KCNQ2: variants seen among roughly 807,000 people sequenced by gnomAD.
The protein encoded by KCNQ2 is potassium voltage-gated channel subfamily Q member 2.
Under a neutral mutation model 84.8 loss-of-function variants are expected in KCNQ2, and 14 were observed. That is an observed-to-expected ratio of 0.17 (90% CI 0.11 to 0.26). KCNQ2 has a LOEUF of 0.26. Among genes scored for constraint, KCNQ2 ranks in the 10% least tolerant of loss-of-function variants. The probability of loss-of-function intolerance (pLI) is 1.00; values close to 1 mark genes in which losing one functional copy is unlikely to be tolerated. For missense variants in KCNQ2, 788 were observed against 1,254.0 expected (o/e 0.63, Z 5.61); for synonymous variants, 599 against 554.1 (o/e 1.08, Z -1.14).
At chr20:63,434,079 AC>A in intron 7 of KCNQ2, 176 bp from the exon 8 acceptor site, 2 of 603,608 alleles carry the variant, frequency 3.3e-6, no homozygotes, top group East Asian at 5.5e-5. Flanking sequence ...GCCTCAGTTT[AC>A]CCTCTGTAGG....
chr20:63,408,434 C>T lies in KCNQ2; in HGVS notation c.1866G>A (p.Arg622=), dbSNP rs1060503976. Residue 622 remains arginine (R), a synonymous_variant, in exon 16 of 17, where the codon CGG becomes CGA. Coordinates refer to ENST00000359125, the MANE Select transcript of KCNQ2 (RefSeq NM_172107.4). This position sits in a 1 kb window ranked among gnomAD's most constrained non-coding sequence, Gnocchi z 5.0. The part of the protein sequence containing the change: ...ELPEDPSMMG[R]LGKVEKQVLS... ...GCACCTGCTTCTCCACCTTCCCGAGCCGTCCCATCATGCTGGGGTCCTCGG... is the reference window on the plus strand; with the variant it reads ...GCACCTGCTTCTCCACCTTCCCGAGTCGTCCCATCATGCTGGGGTCCTCGG... 3 of 1,609,082 alleles carry T rather than the reference C, an allele frequency of 1.9e-6. No homozygotes were observed. Among genetic ancestry groups the T allele is most frequent in the Non-Finnish European group, 2.5e-6 (3 of 1,179,160 alleles).
intron 7 of KCNQ2, among the ~76,000 whole-genome samples, chr20:63,437,735 G>T (rs74774360): frequency 1.3e-5 from 2 of 152,244 alleles, no homozygotes; most frequent in Non-Finnish European, 2.9e-5. Flanking sequence ...TCAGCTCTGC[G>T]GGTCCAGTGG....
intron 7 of KCNQ2, among the ~76,000 whole-genome samples, chr20:63,436,752 G>T (rs1028038733): frequency 1.3e-5 from 2 of 151,162 alleles, no homozygotes; most frequent in Non-Finnish European, 2.9e-5. Flanking sequence ...CACTTAGTAA[G>T]CTATGGCATG....
intron 1 of KCNQ2, among the ~76,000 whole-genome samples, chr20:63,467,086 C>T (rs1023995316): frequency 6.6e-6 from 1 of 152,224 alleles, no homozygotes; most frequent in South Asian, 2.1e-4. Context: ...ACATTGCTCC[C>T]GCCTGAGCCT....
At chr20:63,455,785 C>T (rs934779266) in intron 1 of KCNQ2, among the ~76,000 whole-genome samples, 10 of 151,196 alleles carry the variant, frequency 6.6e-5, no homozygotes, top group Admixed American at 5.9e-4. Context: ...CTCCGGGAGA[C>T]CCCTGTGCTC....
chr20:63,443,439 TCAC>T lies in KCNQ2; in HGVS notation c.691-911_691-909del, dbSNP rs1568937880. Among the ~76,000 whole-genome samples the T allele has an allele frequency of 9.7e-3, 231 of 23,780 alleles. 2 individuals carry two copies. The highest frequency in any genetic ancestry group is 0.075 in the East Asian group (50 of 664). 15.6% of individuals were successfully genotyped at this position (23,780 alleles called of 152,430 possible). ...ATCACCACCATCATCACCATCACCA[TCAC>T]CACCACCATCACCATCACCACCATC... On this transcript the variant is annotated intron_variant, in intron 4 of 16. Transcript: ENST00000359125.
intron 1 of KCNQ2, among the ~76,000 whole-genome samples, chr20:63,450,391 C>T (rs1442241793): frequency 1.3e-5 from 2 of 148,534 alleles, no homozygotes. Flanking sequence ...TAAGGCAGCA[C>T]TGATGCCTGC....
Position 63,425,200 on chromosome 20 carries a change from T to C in KCNQ2, c.1218-994A>G, listed in dbSNP as rs1329582440. 1.3e-5 allele frequency among the ~76,000 whole-genome samples: 2 copies of C among 152,184 alleles called. No homozygotes were observed. The highest frequency in any genetic ancestry group is 1.5e-5 in the Non-Finnish European group (1 of 68,036). ...CTCATCAGGATGTTCCAGGATGACC[T>C]CATCTCAAGATCCCAAGCTCAGTTA... On this transcript the variant is annotated intron_variant, in intron 10 of 16. Coordinates refer to ENST00000359125, the MANE Select transcript of KCNQ2 (RefSeq NM_172107.4). This position sits in a 1 kb window ranked among gnomAD's most constrained non-coding sequence, Gnocchi z 5.5.
At chr20:63,448,748 G>A (rs942330973) in intron 1 of KCNQ2, among the ~76,000 whole-genome samples, 5 of 152,266 alleles carry the variant, frequency 3.3e-5, no homozygotes, top group East Asian at 1.9e-4. Context: ...GCACAGGCAC[G>A]GGCATCCTGG....
In KCNQ2 at chr20:63,406,012, T is replaced by G. The variant is rs760578028; in HGVS notation, c.*632A>C. ...GTCTCCACCTCGGGGCTGGCTTCCATGGAAAGAGCCCTCAGATCCCAGAAG... is the reference window on the plus strand; with the variant it reads ...GTCTCCACCTCGGGGCTGGCTTCCAGGGAAAGAGCCCTCAGATCCCAGAAG... On this transcript the variant is annotated 3_prime_UTR_variant, in exon 17 of 17. Coordinates refer to ENST00000359125, the MANE Select transcript of KCNQ2 (RefSeq NM_172107.4). 6.6e-6 allele frequency: 1 copy of G among 152,162 alleles called. No individual in the cohort carries two copies. Among genetic ancestry groups the G allele is most frequent in the Non-Finnish European group, 1.5e-5 (1 of 68,086 alleles). 9.4% of individuals were successfully genotyped at this position (152,162 alleles called of 1,614,324 possible).
In KCNQ2 at chr20:63,436,336, C is replaced by G. The variant is rs373972165; in HGVS notation, c.1023+2289G>C. ...CACGAAGTCAGGAGATCGAGACCATCCTGGCTAACACGGTGAAACCCCGTC... is the reference window on the plus strand; with the variant it reads ...CACGAAGTCAGGAGATCGAGACCATGCTGGCTAACACGGTGAAACCCCGTC... On this transcript the variant is annotated intron_variant, in intron 7 of 16. Transcript: ENST00000359125. 2.2e-4 allele frequency among the ~76,000 whole-genome samples: 34 copies of G among 152,282 alleles called. No homozygotes were observed. The South Asian group carries it at 7.1e-3, about 32-fold the overall frequency.
At chr20:63,428,288 G>T in intron 10 of KCNQ2, 79 bp downstream of exon 10, 1 of 1,073,548 alleles carries the variant, frequency 9.3e-7, no homozygotes, top group Non-Finnish European at 1.4e-6. Flanking sequence ...GCACTGTCCT[G>T]GCGTGTCTTC....
At position 63,460,897 on chromosome 20, in the gene KCNQ2, G is replaced by C. The variant is rs2081930243; in HGVS notation, c.296+11271C>G. 6.6e-6 allele frequency: 1 copy of C among 152,246 alleles called. No homozygotes were observed. The highest frequency in any genetic ancestry group is 2.1e-4 in the South Asian group (1 of 4,830). 9.4% of individuals were successfully genotyped at this position (152,246 alleles called of 1,614,324 possible). A position where few individuals can be genotyped will look rare whatever the true frequency, so the allele number is the denominator to read the frequency against. On this transcript the variant is annotated intron_variant, in intron 1 of 16. Transcript: ENST00000359125. The surrounding 1 kb of genome is among the most constrained non-coding windows in gnomAD (Gnocchi z 5.4). ...CACAGGTGGCTGGACAGGTGCTGCGGCAGCCCCAGGTCAGAGACAAGCCAA... is the reference window on the plus strand; with the variant it reads ...CACAGGTGGCTGGACAGGTGCTGCGCCAGCCCCAGGTCAGAGACAAGCCAA...
In KCNQ2 at chr20:63,407,850, TA is replaced by T. The variant is rs1305132393; in HGVS notation, c.1888-476del. ...CAGCTCTTCCTCCTTCCCAGACCCC[TA>T]GGGGCAAAGCCTCCAGCTCCACGGT... On this transcript the variant is annotated intron_variant, in intron 16 of 16. Transcript: ENST00000359125. The surrounding 1 kb of genome is among the most constrained non-coding windows in gnomAD (Gnocchi z 7.2). 4.9e-6 allele frequency: 1 copy of T among 202,610 alleles called. No individual in the cohort carries two copies. Among genetic ancestry groups the T allele is most frequent in the Non-Finnish European group, 1.0e-5 (1 of 98,292 alleles). 12.6% of individuals were successfully genotyped at this position (202,610 alleles called of 1,614,324 possible).
intron 5 of KCNQ2, among the ~76,000 whole-genome samples, chr20:63,442,138 G>A (rs927948531): frequency 6.6e-6 from 1 of 151,904 alleles, no homozygotes; most frequent in Non-Finnish European, 1.5e-5. Flanking sequence ...GAGGAAGGAA[G>A]ATGCCCACCA....
chr20:63,446,551 C>T lies in KCNQ2; in HGVS notation c.387+196G>A, dbSNP rs947119084. 5.3e-5 allele frequency among the ~76,000 whole-genome samples: 8 copies of T among 152,128 alleles called. No homozygotes were observed. The highest frequency in any genetic ancestry group is 1.9e-4 in the African/African-American group (8 of 41,422). ...GAGGGGTGAGGTGAGGGCTGAGTTACAGCCAGGGTGGGGCTGGGGCATAGC... is the reference window on the plus strand; with the variant it reads ...GAGGGGTGAGGTGAGGGCTGAGTTATAGCCAGGGTGGGGCTGGGGCATAGC... On this transcript the variant is annotated intron_variant, in intron 2 of 16. Transcript: ENST00000359125. This position sits in a 1 kb window ranked among gnomAD's most constrained non-coding sequence, Gnocchi z 5.5.
In KCNQ2 at chr20:63,445,338, G is replaced by A. The variant is rs762713462; in HGVS notation, c.414C>T (p.Gly138=). The A allele has an allele frequency of 2.4e-5, 38 of 1,613,730 alleles. No homozygotes were observed. The East Asian group carries it at 3.3e-4, about 14-fold the overall frequency. The change falls in exon 3 of 17, where the codon GGC becomes GGT. Residue 138 remains glycine (G), a synonymous_variant. Transcript: ENST00000359125. ...ILEIVTIVVF[G]VEYFVRIWAA... ...CCCAGATCCGCACGAAGTACTCCAC[G>A]CCAAACACCACGATAGTCACGATTT... is the stretch of plus-strand genomic sequence containing the variant.
rs1568935057 is a variant in KCNQ2 at position 63,442,890 on chromosome 20, TCAC to T, written c.691-362_691-360del. Among the ~76,000 whole-genome samples, 36 of 6,274 alleles carry T rather than the reference TCAC, an allele frequency of 5.7e-3. 1 individual carries two copies. Among genetic ancestry groups the T allele is most frequent in the Non-Finnish European group, 2.8e-3 (9 of 3,202 alleles). The allele number at this position is 6,274 out of a possible 152,430, so 4.1% of individuals were successfully genotyped here. On this transcript the variant is annotated intron_variant, in intron 4 of 16. Coordinates refer to ENST00000359125, the MANE Select transcript of KCNQ2 (RefSeq NM_172107.4). ...ACCATCACCATTATCACCACCACCA[TCAC>T]CACCATCACCACCACCATCACCATC...
intron 1 of KCNQ2, among the ~76,000 whole-genome samples, chr20:63,450,284 C>T (rs568285817): frequency 2.6e-5 from 4 of 151,272 alleles, no homozygotes; most frequent in African/African-American, 7.3e-5. Flanking sequence ...GCCCAGCACA[C>T]GTGCCGGACG....
Sources: allele counts gnomAD v4.1 joint callset (sites outside exome capture counted in the v4.1 genomes callset), GRCh38; gene constraint gnomAD v4.1.1; non-coding constraint Gnocchi (gnomAD v3.1); transcripts MANE v1.5; gene names NCBI Gene and HGNC (gene_info 2026-07-23, HGNC 2026-07-21).